RASGEF1C: variants seen among roughly 807,000 people sequenced by gnomAD.
RASGEF1C encodes ras-GEF domain-containing family member 1C.
RASGEF1C carries 27 observed loss-of-function variants against 58.1 expected under a neutral mutation model. The observed-to-expected ratio is 0.46, with a 90% CI of 0.34 to 0.64. The LOEUF is 0.64. RASGEF1C is among the 30% of genes least tolerant of loss of function. The pLI, the probability that RASGEF1C is intolerant of heterozygous loss-of-function variation, is 0.01. For missense variants in RASGEF1C, 502 were observed against 605.1 expected (o/e 0.83, Z 1.79); for synonymous variants, 243 against 246.3 (o/e 0.99, Z 0.13).
rs1371723586 is a variant in RASGEF1C at position 180,174,502 on chromosome 5, G to C, written c.-7+34526C>G. Among the ~76,000 whole-genome samples, 12 of 143,944 alleles carry C rather than the reference G, an allele frequency of 8.3e-5. 1 individual carries two copies. The highest frequency in any genetic ancestry group is 3.5e-4 in the Admixed American group (5 of 14,276). The allele number at this position is 143,944 out of a possible 152,430, so 94.4% of individuals were successfully genotyped here. Reference sequence around the variant, plus strand: ...TGTCTGTGTGTGCGCGTGTGTGTCTGTGTGTGCGTGCGCGTACACACGTGT... The same window carrying C: ...TGTCTGTGTGTGCGCGTGTGTGTCTCTGTGTGCGTGCGCGTACACACGTGT... On this transcript the variant is annotated intron_variant, in intron 1 of 13. Coordinates refer to ENST00000361132, the MANE Select transcript of RASGEF1C (RefSeq NM_175062.4).
intron 1 of RASGEF1C, among the ~76,000 whole-genome samples, chr5:180,194,333 C>G (rs1410383520): frequency 6.6e-6 from 1 of 152,214 alleles, no homozygotes; most frequent in Non-Finnish European, 1.5e-5. Context: ...TTCTTATACT[C>G]GCTGTTTGCA....
intron 6 of RASGEF1C, among the ~76,000 whole-genome samples, chr5:180,121,675 A>ACC (rs1766178651): frequency 3.1e-5 from 1 of 32,074 alleles, no homozygotes; most frequent in African/African-American, 8.2e-5. Context: ...ACACACACAC[A>ACC]CACACACCCT....
intron 1 of RASGEF1C, among the ~76,000 whole-genome samples, chr5:180,174,556 CTGTG>C (rs1183829599): frequency 1.4e-5 from 2 of 141,682 alleles, no homozygotes; most frequent in African/African-American, 2.7e-5. Context: ...GTGCGTGTGT[CTGTG>C]TGTGCACGTG....
intron 1 of RASGEF1C, among the ~76,000 whole-genome samples, chr5:180,152,995 C>CT (rs1220778158): frequency 6.7e-6 from 1 of 149,508 alleles, no homozygotes; most frequent in Admixed American, 6.7e-5. Context: ...CTTCTTGGGT[C>CT]TTTTTTGAGG....
intron 1 of RASGEF1C, among the ~76,000 whole-genome samples, chr5:180,196,918 G>A (rs1271903549): frequency 6.6e-6 from 1 of 152,370 alleles, no homozygotes; most frequent in East Asian, 1.9e-4. Context: ...GCAACACCTA[G>A]CTGCAGCATT....
In RASGEF1C at chr5:180,115,446, G is replaced by T. The variant is rs539921462; in HGVS notation, c.1084-905C>A. On this transcript the variant is annotated intron_variant, in intron 10 of 13. Coordinates refer to ENST00000361132, the MANE Select transcript of RASGEF1C (RefSeq NM_175062.4). Reference sequence around the variant, plus strand: ...CGGACCCCGCCTGTGAAGGGCTGCGGGCTGCGTGCAGGCCCCCCCAGACTC... The same window carrying T: ...CGGACCCCGCCTGTGAAGGGCTGCGTGCTGCGTGCAGGCCCCCCCAGACTC... 1.8e-4 allele frequency: 58 copies of T among 324,770 alleles called. No individual in the cohort carries two copies. The East Asian group carries it at 4.6e-3, about 26-fold the overall frequency. 20.1% of individuals were successfully genotyped at this position (324,770 alleles called of 1,614,324 possible).
chr5:180,149,445 TTTTTG>T lies in RASGEF1C; in HGVS notation c.-6-11392_-6-11388del, dbSNP rs756921410. The stretch of plus-strand genomic sequence containing the variant: ...TCTTGATAATCTTACTGAGGATCAG[TTTTTG>T]TTTTGTTTTGTTTTGTTTTTTGAGA... On this transcript the variant is annotated intron_variant, in intron 1 of 13. Transcript: ENST00000361132. Among the ~76,000 whole-genome samples the T allele has an allele frequency of 1.9e-4, 29 of 150,188 alleles. 1 individual carries two copies. In the South Asian group the frequency reaches 3.2e-3, roughly 17 times the overall value.
chr5:180,102,946 G>T (rs761742938), intron 12 of RASGEF1C, among the ~76,000 whole-genome samples: 1 of 152,226 alleles, frequency 6.6e-6, no homozygotes, highest in Non-Finnish European at 1.5e-5. Flanking sequence ...GTCTTGCTGG[G>T]ATTTGGGTAG....
intron 1 of RASGEF1C, among the ~76,000 whole-genome samples, chr5:180,195,423 T>C (rs1410364317): frequency 6.6e-6 from 1 of 152,152 alleles, no homozygotes; most frequent in Non-Finnish European, 1.5e-5. Flanking sequence ...CTGTGCTATG[T>C]AACATTTGCT....
At chr5:180,169,308 G>A (rs1464727834) in intron 1 of RASGEF1C, among the ~76,000 whole-genome samples, 2 of 152,092 alleles carry the variant, frequency 1.3e-5, no homozygotes, top group African/African-American at 2.4e-5. Context: ...TGCTGGCTGC[G>A]CCCCGAACAG....
In RASGEF1C at chr5:180,195,564, G is replaced by C. The variant is rs758405059; in HGVS notation, c.-7+13464C>G. Among the ~76,000 whole-genome samples the C allele has an allele frequency of 3.3e-5, 5 of 152,186 alleles. 1 individual carries two copies. Among genetic ancestry groups the C allele is most frequent in the African/African-American group, 1.2e-4 (5 of 41,542 alleles). ...TCACGAGGTCAGGAGATCAAGACCA[G>C]CCTGGCGAACATGGTGAAACCCCGT... On this transcript the variant is annotated intron_variant, in intron 1 of 13. Transcript: ENST00000361132.
At position 180,152,495 on chromosome 5, in the gene RASGEF1C, T is replaced by C. The variant is rs373896756; in HGVS notation, c.-6-14437A>G. On this transcript the variant is annotated intron_variant, in intron 1 of 13. Coordinates refer to ENST00000361132, the MANE Select transcript of RASGEF1C (RefSeq NM_175062.4). ...GCCAAACACTGCATGTTCTCACTCA[T>C]AGGTGGGAATTGAACAATGAGAACA... 7.1e-3 allele frequency among the ~76,000 whole-genome samples: 974 copies of C among 136,874 alleles called. 9 individuals are homozygous for C. Among genetic ancestry groups the C allele is most frequent in the Middle Eastern group, 0.016 (4 of 244 alleles). 89.8% of individuals were successfully genotyped at this position (136,874 alleles called of 152,430 possible).
In RASGEF1C at chr5:180,197,770, T is replaced by C. The variant is rs377430211; in HGVS notation, c.-7+11258A>G. On this transcript the variant is annotated intron_variant, in intron 1 of 13. Coordinates refer to ENST00000361132, the MANE Select transcript of RASGEF1C (RefSeq NM_175062.4). The surrounding 1 kb of genome is among the most constrained non-coding windows in gnomAD (Gnocchi z 4.7). ...AGAGAGCAGTGGTCATTTTACTATG[T>C]ATTATTTAGCCAGATTGGCACTTTT... Among the ~76,000 whole-genome samples the C allele has an allele frequency of 6.6e-5, 10 of 152,328 alleles. No individual in the cohort carries two copies. In the East Asian group the frequency reaches 1.5e-3, roughly 24 times the overall value.
At chr5:180,135,045 A>AC (rs59125244) in intron 4 of RASGEF1C, among the ~76,000 whole-genome samples, 65,585 of 116,460 alleles carry the variant, frequency 0.56, 19,834 homozygotes, top group Non-Finnish European at 0.7. Context: ...CGCTGTCCCC[A>AC]CCCCCCCCGT....
At chr5:180,190,455 A>C (rs79948734) in intron 1 of RASGEF1C, among the ~76,000 whole-genome samples, 1 of 113,074 alleles carries the variant, frequency 8.8e-6, no homozygotes, top group African/African-American at 2.9e-5. Flanking sequence ...GCGCCACTGC[A>C]CTCCAGACTG....
At chr5:180,134,054 G>A (rs1020570480) in intron 4 of RASGEF1C, among the ~76,000 whole-genome samples, 1 of 152,152 alleles carries the variant, frequency 6.6e-6, no homozygotes, top group African/African-American at 2.4e-5. Context: ...ATCTGGGTGG[G>A]CTCAAGCTGG....
At chr5:180,117,934 C>T (rs1481489212) in intron 10 of RASGEF1C, among the ~76,000 whole-genome samples, 1 of 143,082 alleles carries the variant, frequency 7.0e-6, no homozygotes, top group East Asian at 2.0e-4. Context: ...GTGGAGGTTG[C>T]AGTGAGCCAA....
At chr5:180,208,925 G>C (rs1170726856) in intron 1 of RASGEF1C, 103 bp downstream of exon 1, 3 of 146,228 alleles carry the variant, frequency 2.1e-5, no homozygotes, top group African/African-American at 5.0e-5. Context: ...GCAGCCTCCC[G>C]CCTCCCGCCG....
intron 4 of RASGEF1C, among the ~76,000 whole-genome samples, chr5:180,132,479 A>G (rs1282933813): frequency 6.6e-6 from 1 of 152,248 alleles, no homozygotes; most frequent in Non-Finnish European, 1.5e-5. Flanking sequence ...CTCCTGAGCC[A>G]GCCTAGGGCT....
Sources: allele counts gnomAD v4.1 joint callset (sites outside exome capture counted in the v4.1 genomes callset), GRCh38; gene constraint gnomAD v4.1.1; non-coding constraint Gnocchi (gnomAD v3.1); transcripts MANE v1.5; gene names NCBI Gene and HGNC (gene_info 2026-07-23, HGNC 2026-07-21).